Variants in COL16A1 observed in about 807,000 individuals in gnomAD.
COL16A1 encodes collagen type XVI alpha 1 chain, also known as collagen alpha-1(XVI) chain.
COL16A1 carries 189 observed loss-of-function variants against 266.3 expected under a neutral mutation model. That is an observed-to-expected ratio of 0.71 (90% CI 0.63 to 0.80). The LOEUF (loss-of-function observed/expected upper bound fraction) is 0.80, where lower values mean the gene tolerates loss of function less well. Among genes scored for constraint, COL16A1 ranks in the 30% least tolerant of loss-of-function variants. The pLI, the probability that COL16A1 is intolerant of heterozygous loss-of-function variation, is 0.00. For missense variants in COL16A1, 1,928 were observed against 2,122.4 expected (o/e 0.91, Z 1.80); for synonymous variants, 740 against 782.3 (o/e 0.95, Z 0.90).
At chr1:31,679,711 G>A (rs1643463981) in intron 41 of COL16A1, 26 bp from the exon 42 acceptor site, 1 of 1,613,734 alleles carries the variant, frequency 6.2e-7, no homozygotes, top group South Asian at 1.1e-5. Flanking sequence ...AAGAGTCAGA[G>A]CCAGCAGAGA....
rs768874031 is a variant in COL16A1 at position 31,683,730 on chromosome 1, C to T, written c.2356G>A (p.Gly786Arg). 4.3e-6 allele frequency: 7 copies of T among 1,614,038 alleles called. No homozygotes were observed. The Admixed American group carries it at 1.0e-4, about 23-fold the overall frequency. ...ACCTGGGGTCCCTGGACTCCCCTTC[C>T]TGGAGGCCCTGGCTCTCCCTGAAGA... ...KGVQGEPGPPGRGVQGPQGEP... is the reference protein window; with the variant it reads ...KGVQGEPGPPRRGVQGPQGEP... Residue 786 changes from glycine to arginine, a missense_variant, in exon 34 of 71, where the codon GGA becomes AGA. Coordinates refer to ENST00000373672, the MANE Select transcript of COL16A1 (RefSeq NM_001856.4).
Position 31,663,854 on chromosome 1 carries a change from G to A in COL16A1, c.3556-1196C>T, listed in dbSNP as rs1286437084. 2.0e-5 allele frequency among the ~76,000 whole-genome samples: 3 copies of A among 152,176 alleles called. No homozygotes were observed. Among genetic ancestry groups the A allele is most frequent in the African/African-American group, 7.2e-5 (3 of 41,438 alleles). On this transcript the variant is annotated intron_variant, in intron 56 of 70. Coordinates refer to ENST00000373672, the MANE Select transcript of COL16A1 (RefSeq NM_001856.4). This position sits in a 1 kb window ranked among gnomAD's most constrained non-coding sequence, Gnocchi z 4.9. ...GAATGTTTACCAGAAAAGGCGGGGGGAGGCAAGCAGCATAGCGGGGAAGGT... is the reference window on the plus strand; with the variant it reads ...GAATGTTTACCAGAAAAGGCGGGGGAAGGCAAGCAGCATAGCGGGGAAGGT...
chr1:31,686,290 G>A lies in COL16A1; in HGVS notation c.1804-11C>T, dbSNP rs1226439226. 1.9e-6 allele frequency: 3 copies of A among 1,614,192 alleles called. No homozygotes were observed. Among genetic ancestry groups the A allele is most frequent in the South Asian group, 2.2e-5 (2 of 91,076 alleles). ...CTCCCCGAAGTTACCCTGAGAGAAA[G>A]CACAGAAACCATGATTAAAGAGGGG... On this transcript the variant is annotated splice_polypyrimidine_tract_variant and intron_variant, in intron 26 of 70. Transcript: ENST00000373672.
rs777174631 is a variant in COL16A1 at position 31,689,727 on chromosome 1, C to T, written c.1620+14G>A. 2.5e-6 allele frequency: 4 copies of T among 1,607,258 alleles called. No homozygotes were observed. In the East Asian group the frequency reaches 8.9e-5, roughly 36 times the overall value. ...GTTGGGGGAGGTCCCTCAATGGTCA[C>T]CCTGGGCACTCACCCTGGCTGGTAC... On this transcript the variant is annotated intron_variant, in intron 23 of 70. Transcript: ENST00000373672.
At chr1:31,689,209 G>A (rs886375434) in intron 23 of COL16A1, 124 bp from the exon 24 acceptor site, 2 of 1,498,744 alleles carry the variant, frequency 1.3e-6, no homozygotes, top group Non-Finnish European at 9.0e-7. Flanking sequence ...GGGTCCCATG[G>A]GGTCCAAGGC....
intron 8 of COL16A1, 34 bp downstream of exon 8, chr1:31,696,929 C>T (rs771790298): frequency 6.2e-7 from 1 of 1,612,262 alleles, no homozygotes; most frequent in Admixed American, 1.7e-5. Context: ...CTTGTGCCTG[C>T]CTGTGCTGGC....
intron 37 of COL16A1, 98 bp downstream of exon 37, chr1:31,682,836 G>T (rs1410235580): frequency 6.7e-7 from 1 of 1,482,626 alleles, no homozygotes; most frequent in East Asian, 2.3e-5. Context: ...CATCCCCTGT[G>T]CTGCTGGGAT....
rs1392582153 is a variant in COL16A1, at chr1:31,676,712, C to T, written c.2773-1401G>A. ...CCGGACAATGTTCCCCTTGCAGATT[C>T]GTGAGGCACATTTGCATATTAAATA... On this transcript the variant is annotated intron_variant, in intron 42 of 70. Coordinates refer to ENST00000373672, the MANE Select transcript of COL16A1 (RefSeq NM_001856.4). Among the ~76,000 whole-genome samples, 7 of 152,206 alleles carry T rather than the reference C, an allele frequency of 4.6e-5. No homozygotes were observed. In the South Asian group the frequency reaches 6.2e-4, roughly 13 times the overall value.
chr1:31,681,769 C>T (rs946646363), intron 37 of COL16A1, among the ~76,000 whole-genome samples: 1 of 152,244 alleles, frequency 6.6e-6, no homozygotes, highest in Non-Finnish European at 1.5e-5. Flanking sequence ...ATGTGGGCTC[C>T]GCCACCTTCA....
intron 20 of COL16A1, 151 bp from the exon 21 acceptor site, chr1:31,690,724 C>T (rs1379196859): frequency 2.3e-6 from 3 of 1,319,652 alleles, no homozygotes; most frequent in Non-Finnish European, 3.1e-6. Context: ...GTTCCTGTTG[C>T]CTGCCCTCCG....
rs757075165 is a variant in COL16A1, at chr1:31,654,841, A to G, written c.4308T>C (p.Tyr1436=). ...VPGSMGDMVN[Y]DEIKRFIRQE... is the part of the protein sequence containing the mutation. ...GTCTGATGAACCTCTTGATTTCATC[A>G]TAATTCACCATGTCTCCCTGAAGAA... The change falls in exon 68 of 71, where the codon TAT becomes TAC. Residue 1436 remains tyrosine (Y), a synonymous_variant. Coordinates refer to ENST00000373672, the MANE Select transcript of COL16A1 (RefSeq NM_001856.4). 7.4e-6 allele frequency: 12 copies of G among 1,614,154 alleles called. No individual in the cohort carries two copies. Among genetic ancestry groups the G allele is most frequent in the African/African-American group, 1.3e-5 (1 of 75,028 alleles).
rs1641218713 is a variant in COL16A1, at chr1:31,656,952, G to A, written c.4056+81C>T. 1 of 1,587,754 alleles carries A rather than the reference G, an allele frequency of 6.3e-7. No homozygotes were observed. The highest frequency in any genetic ancestry group is 8.6e-7 in the Non-Finnish European group (1 of 1,156,952). ...CCCGTACATAGAAGGAATGTTTACT[G>A]AAAAAAATGAAGAGGGGTCAGGGCA... On this transcript the variant is annotated intron_variant, in intron 65 of 70. Coordinates refer to ENST00000373672, the MANE Select transcript of COL16A1 (RefSeq NM_001856.4). The surrounding 1 kb of genome is among the most constrained non-coding windows in gnomAD (Gnocchi z 4.2).
intron 45 of COL16A1, 34 bp from the exon 46 acceptor site, chr1:31,672,671 G>A (rs1642831829): frequency 2.5e-6 from 4 of 1,606,384 alleles, no homozygotes; most frequent in South Asian, 1.1e-5. Flanking sequence ...ATTGTCTGAT[G>A]AGGCAGCCAG....
In COL16A1 at chr1:31,655,522, G is replaced by A. The variant is rs1356955707; in HGVS notation, c.4102-20C>T. 2.5e-6 allele frequency: 4 copies of A among 1,611,616 alleles called. No homozygotes were observed. The African/African-American group carries it at 5.3e-5, about 22-fold the overall frequency. On this transcript the variant is annotated intron_variant, in intron 66 of 70. Transcript: ENST00000373672. Reference sequence around the variant, plus strand: ...ATCACCCTACAAAGATAGATACTTAGTGCTGTCAAATTTACATCATGATGT... The same window carrying A: ...ATCACCCTACAAAGATAGATACTTAATGCTGTCAAATTTACATCATGATGT...
rs200842105 is a variant in COL16A1, at chr1:31,655,214, TC to T, written c.4290+99del. 1.9e-3 allele frequency: 2,886 copies of T among 1,507,616 alleles called. 48 individuals are homozygous for T. The African/African-American group carries it at 0.037, about 19-fold the overall frequency. The allele number at this position is 1,507,616 out of a possible 1,614,324, so 93.4% of individuals were successfully genotyped here. On this transcript the variant is annotated intron_variant, in intron 67 of 70. Coordinates refer to ENST00000373672, the MANE Select transcript of COL16A1 (RefSeq NM_001856.4). The stretch of plus-strand genomic sequence containing the variant: ...TGCCCTCTATGGGAGCCAGGCTCTT[TC>T]CCACAGAATGTCAGCAGGAGCTTGG...
At chr1:31,665,406 A>G in intron 55 of COL16A1, 172 bp from the exon 56 acceptor site, 1 of 1,415,298 alleles carries the variant, frequency 7.1e-7, no homozygotes, top group Non-Finnish European at 9.6e-7. Context: ...GGCCCACACA[A>G]GAGGCTGGGC....
rs1340576580 is a variant in COL16A1, at chr1:31,661,098, G to A, written c.3793C>T (p.Pro1265Ser). ...GPKGDCGKPG[P>S]PGSTGRPGAE... ...CCAGGCCGGCCAGTGCTGCCAGGGG[G>A]ACCTGGTTTGCCACAGTCACCCTAG... Residue 1265 changes from proline (P) to serine (S), a missense_variant, in exon 61 of 71, where the codon CCC (proline) becomes TCC (serine). This residue lies in a region of COL16A1 where 376 missense variants were observed against 485.2 expected (regional missense o/e 0.77). Coordinates refer to ENST00000373672, the MANE Select transcript of COL16A1 (RefSeq NM_001856.4). 8.9e-6 allele frequency: 14 copies of A among 1,565,340 alleles called. No individual in the cohort carries two copies. In the Admixed American group the frequency reaches 2.7e-4, roughly 30 times the overall value.
rs1259426261 is a variant in COL16A1, at chr1:31,655,409, G to T, written c.4195C>A (p.Pro1399Thr). The part of the protein sequence containing the change: ...GGPGKSGSMG[P>T]VGPPGPAGER... ...CCTGCAGGGCCCGGTGGCCCAACAG[G>T]CCCCATGGAACCACTCTTGCCAGGT... is the stretch of plus-strand genomic sequence containing the variant. Residue 1399 changes from proline (P) to threonine (T), a missense_variant, in exon 67 of 71, where the codon CCT becomes ACT. This residue lies in a region of COL16A1 where 376 missense variants were observed against 485.2 expected (regional missense o/e 0.77). Coordinates refer to ENST00000373672, the MANE Select transcript of COL16A1 (RefSeq NM_001856.4). The T allele has an allele frequency of 6.2e-7, 1 of 1,613,904 alleles. No homozygotes were observed. The highest frequency in any genetic ancestry group is 1.7e-5 in the Admixed American group (1 of 60,002).
At chr1:31,695,303 A>G in intron 10 of COL16A1, 82 bp from the exon 11 acceptor site, 2 of 1,340,960 alleles carry the variant, frequency 1.5e-6, no homozygotes, top group Non-Finnish European at 2.1e-6. Flanking sequence ...CCAGGCCCAC[A>G]GAACATCACA....
Sources: gnomAD v4.1 joint callset for allele counts (sites outside exome capture counted in the v4.1 genomes callset) on GRCh38, gnomAD v4.1.1 for gene constraint, gnomAD v4.1.1 regional missense constraint, Gnocchi (gnomAD v3.1) non-coding constraint, MANE v1.5 for transcripts, NCBI Gene and HGNC (gene_info 2026-07-23, HGNC 2026-07-21) for gene names.